GRM1: variants seen among roughly 807,000 people sequenced by gnomAD.
The protein encoded by GRM1 is metabotropic glutamate receptor 1.
A neutral mutation model predicts 90.9 loss-of-function variants in GRM1; 33 were observed. The observed-to-expected ratio is 0.36, with a 90% CI of 0.28 to 0.49. GRM1 has a LOEUF of 0.49. Among genes scored for constraint, GRM1 ranks in the 20% least tolerant of loss-of-function variants. GRM1 has a pLI of 0.99. For synonymous variants in GRM1, 700 were observed against 613.2 expected (o/e 1.14, Z -2.09); for missense variants, 1,190 against 1,534.3 (o/e 0.78, Z 3.75).
intron 7 of GRM1, among the ~76,000 whole-genome samples, chr6:146,409,234 G>T (rs78436527): frequency 0.013 from 1,940 of 152,142 alleles, 47 homozygotes; most frequent in African/African-American, 0.045. Context: ...TCGTGAGCAC[G>T]CATGGTGAGT....
chr6:146,300,631 C>T (rs530667649), intron 2 of GRM1, among the ~76,000 whole-genome samples: 3 of 152,324 alleles, frequency 2.0e-5, no homozygotes, highest in South Asian at 2.1e-4. Flanking sequence ...AGCTAGAAAA[C>T]GGAACTCATA....
At chr6:146,316,703 C>T (rs897488547) in intron 3 of GRM1, among the ~76,000 whole-genome samples, 2 of 152,134 alleles carry the variant, frequency 1.3e-5, no homozygotes, top group Non-Finnish European at 1.5e-5. Flanking sequence ...CATCATCATC[C>T]TCCTTGGCGT....
At chr6:146,265,868 T>C (rs1331408159) in intron 2 of GRM1, among the ~76,000 whole-genome samples, 1 of 152,318 alleles carries the variant, frequency 6.6e-6, no homozygotes, top group African/African-American at 2.4e-5. Flanking sequence ...TTAACCTCTG[T>C]GTCTATTTTT....
intron 1 of GRM1, among the ~76,000 whole-genome samples, chr6:146,039,446 G>A (rs9403764): frequency 0.39 from 59,328 of 151,758 alleles, 11,936 homozygotes; most frequent in Middle Eastern, 0.51. Flanking sequence ...AAGAGAGAAA[G>A]AGCCTAGGTC....
At chr6:146,355,670 A>G (rs1389152249) in intron 4 of GRM1, among the ~76,000 whole-genome samples, 2 of 151,922 alleles carry the variant, frequency 1.3e-5, no homozygotes, top group African/African-American at 4.8e-5. Context: ...TGAAAAACAA[A>G]CAAACAAACA....
chr6:146,322,824 A>G (rs549197497), intron 3 of GRM1, among the ~76,000 whole-genome samples: 7 of 151,990 alleles, frequency 4.6e-5, no homozygotes, highest in South Asian at 2.1e-4. Context: ...TCATTGTTCA[A>G]TTCCCACCTA....
intron 2 of GRM1, among the ~76,000 whole-genome samples, chr6:146,200,467 C>A (rs1286415930): frequency 1.3e-5 from 2 of 152,152 alleles, no homozygotes; most frequent in East Asian, 3.9e-4. Context: ...TTTCCTAGAT[C>A]ACCATTAATA....
chr6:146,042,194 G>A (rs927702040), intron 1 of GRM1, among the ~76,000 whole-genome samples: 6 of 151,988 alleles, frequency 3.9e-5, no homozygotes, highest in African/African-American at 1.4e-4. Flanking sequence ...TTTGGGGGAC[G>A]TTCAGACCAT....
At chr6:146,411,891 AAGG>A (rs1269970902) in intron 7 of GRM1, among the ~76,000 whole-genome samples, 2 of 152,158 alleles carry the variant, frequency 1.3e-5, no homozygotes, top group Non-Finnish European at 2.9e-5. Flanking sequence ...TGATCTGGAA[AAGG>A]AGGAGAGCAG....
chr6:146,314,969 A>G (rs1231560677), intron 3 of GRM1, among the ~76,000 whole-genome samples: 2 of 152,198 alleles, frequency 1.3e-5, no homozygotes, highest in Non-Finnish European at 2.9e-5. Flanking sequence ...ACCCAAAGTT[A>G]AAATATTCAT....
chr6:146,376,344 A>G (rs1776097321), intron 5 of GRM1, among the ~76,000 whole-genome samples: 1 of 152,026 alleles, frequency 6.6e-6, no homozygotes, highest in South Asian at 2.1e-4. Context: ...TATTCTTTTT[A>G]TTCCATGTAC....
chr6:146,255,445 G>T (rs1781444586), intron 2 of GRM1, among the ~76,000 whole-genome samples: 1 of 151,952 alleles, frequency 6.6e-6, no homozygotes, highest in African/African-American at 2.4e-5. Context: ...GAGAACTGTG[G>T]CAATCTCTCT....
At chr6:146,247,911 A>G (rs1781128842) in intron 2 of GRM1, among the ~76,000 whole-genome samples, 1 of 149,502 alleles carries the variant, frequency 6.7e-6, no homozygotes, top group African/African-American at 2.4e-5. Context: ...CTAATATAGT[A>G]TATATAATAT....
At chr6:146,149,670 C>A (rs1038305889) in intron 1 of GRM1, among the ~76,000 whole-genome samples, 3 of 152,136 alleles carry the variant, frequency 2.0e-5, no homozygotes, top group African/African-American at 7.2e-5. Context: ...CTCATCCTCT[C>A]AATCATTTAG....
intron 3 of GRM1, among the ~76,000 whole-genome samples, chr6:146,347,212 G>GT (rs1785216954): frequency 2.0e-5 from 3 of 152,172 alleles, no homozygotes; most frequent in African/African-American, 7.2e-5. Context: ...GCTAACAAAT[G>GT]TCCTGTTGTC....
chr6:146,150,120 G>C (rs759326961), intron 1 of GRM1, among the ~76,000 whole-genome samples: 4 of 152,166 alleles, frequency 2.6e-5, no homozygotes, highest in Non-Finnish European at 5.9e-5. Context: ...GCCAGGAAAA[G>C]TGAAAGTAAT....
chr6:146,139,939 C>A (rs1319543648), intron 1 of GRM1, among the ~76,000 whole-genome samples: 1 of 79,432 alleles, frequency 1.3e-5, no homozygotes, highest in Non-Finnish European at 2.4e-5. Flanking sequence ...CCCCTCCCTT[C>A]CCCTGCCCTC....
intron 5 of GRM1, among the ~76,000 whole-genome samples, chr6:146,382,988 T>C (rs905106050): frequency 1.3e-5 from 2 of 152,108 alleles, no homozygotes; most frequent in African/African-American, 4.8e-5. Context: ...CAATGGATGA[T>C]ACTATGGGGA....
chr6:146,403,808 G>A (rs938297414), intron 7 of GRM1, among the ~76,000 whole-genome samples: 1 of 151,962 alleles, frequency 6.6e-6, no homozygotes, highest in African/African-American at 2.4e-5. Context: ...CTATAGCTCT[G>A]CTAAATTTTT....
Sources: gnomAD v4.1 joint callset for allele counts (sites outside exome capture counted in the v4.1 genomes callset) on GRCh38, gnomAD v4.1.1 for gene constraint, MANE v1.5 for transcripts, NCBI Gene and HGNC (gene_info 2026-07-23, HGNC 2026-07-21) for gene names.